Variants in ATP8B4 observed in about 807,000 individuals in gnomAD.
ATP8B4 encodes ATPase phospholipid transporting 8B4 (putative).
ATP8B4 carries 133 observed loss-of-function variants against 145.6 expected under a neutral mutation model. That is an observed-to-expected ratio of 0.91 (90% CI 0.79 to 1.05). The LOEUF (loss-of-function observed/expected upper bound fraction) is 1.05, where lower values mean the gene tolerates loss of function less well. Ranked by LOEUF, ATP8B4 falls within the 50% of genes least tolerant of loss-of-function variation. ATP8B4 has a pLI of 0.00. For missense variants in ATP8B4, 1,458 were observed against 1,425.2 expected, an observed-to-expected ratio of 1.02 and a Z score of -0.37; for synonymous variants, 507 against 492.9, an observed-to-expected ratio of 1.03 and a Z score of -0.38.
chr15:49,920,433 A>G (rs753723617), intron 17 of ATP8B4, 23 bp from the exon 18 acceptor site: 18 of 1,581,288 alleles, frequency 1.1e-5, no homozygotes, highest in Non-Finnish European at 1.5e-5. Context: ...ACATAGACTC[A>G]TGAACCATCA....
chr15:50,174,617 T>G (rs61367002), intron 1 of ATP8B4, among the ~76,000 whole-genome samples: 13,671 of 146,880 alleles, frequency 0.093, 828 homozygotes, highest in African/African-American at 0.16. Context: ...ACAAGGAAAC[T>G]ACAACACACT....
In ATP8B4 at chr15:50,050,788, A is replaced by G. The variant is rs1015667714; in HGVS notation, c.88-3324T>C. Among the ~76,000 whole-genome samples the G allele has an allele frequency of 1.3e-4, 19 of 149,932 alleles. No individual in the cohort carries two copies. The East Asian group carries it at 1.4e-3, about 11-fold the overall frequency. On this transcript the variant is annotated intron_variant, in intron 3 of 27. Transcript: ENST00000284509. ...GTTTTATTTAACCACTTGTAAAGCC[A>G]TGTAACTATATTATTTGAGGCTTAA... is the stretch of plus-strand genomic sequence containing the variant.
chr15:50,112,933 G>A (rs1043027196), intron 1 of ATP8B4, among the ~76,000 whole-genome samples: 15 of 152,064 alleles, frequency 9.9e-5, no homozygotes, highest in South Asian at 6.2e-4. Context: ...CCAACCAAGC[G>A]TGGAGAGGAA....
At position 49,908,634 on chromosome 15, in the gene ATP8B4, A is replaced by C. The variant is rs562450317; in HGVS notation, c.2142-7395T>G. 9.9e-5 allele frequency among the ~76,000 whole-genome samples: 15 copies of C among 152,212 alleles called. No individual in the cohort carries two copies. The South Asian group carries it at 2.7e-3, about 27-fold the overall frequency. ...AGAGGGAGCTCACACTGGGTCCCACATACCACAAAATGACAGCAAAGTGTC... is the reference window on the plus strand; with the variant it reads ...AGAGGGAGCTCACACTGGGTCCCACCTACCACAAAATGACAGCAAAGTGTC... On this transcript the variant is annotated intron_variant, in intron 20 of 27. Transcript: ENST00000284509.
At chr15:50,117,759 C>T (rs2057197511) in intron 1 of ATP8B4, among the ~76,000 whole-genome samples, 1 of 152,174 alleles carries the variant, frequency 6.6e-6, no homozygotes, top group South Asian at 2.1e-4. Context: ...AATAATATTT[C>T]TTCTTGAGGA....
intron 3 of ATP8B4, among the ~76,000 whole-genome samples, chr15:50,066,538 A>G (rs2053394201): frequency 6.6e-6 from 1 of 152,142 alleles, no homozygotes; most frequent in Non-Finnish European, 1.5e-5. Flanking sequence ...TAGAGACCCA[A>G]ATGTCCCATC....
At chr15:50,069,339 C>A (rs2053579031) in intron 3 of ATP8B4, among the ~76,000 whole-genome samples, 2 of 152,140 alleles carry the variant, frequency 1.3e-5, no homozygotes, top group Admixed American at 6.5e-5. Flanking sequence ...CATTTTTAAA[C>A]CTGTGCGATG....
chr15:49,959,137 T>A (rs1403940670), intron 14 of ATP8B4, among the ~76,000 whole-genome samples: 2 of 151,978 alleles, frequency 1.3e-5, no homozygotes, highest in Admixed American at 6.5e-5. Flanking sequence ...TGGCATTTAT[T>A]CCAGGAAAAT....
intron 8 of ATP8B4, 81 bp downstream of exon 8, chr15:50,002,072 C>G: frequency 8.5e-7 from 1 of 1,183,160 alleles, no homozygotes; most frequent in East Asian, 2.6e-5. Flanking sequence ...AGATACTGAA[C>G]AAGGTTAAGT....
intron 1 of ATP8B4, among the ~76,000 whole-genome samples, chr15:50,109,655 T>G (rs543435933): frequency 2.2e-4 from 34 of 151,780 alleles, no homozygotes; most frequent in African/African-American, 7.2e-4. Flanking sequence ...AAAAGGGGAC[T>G]CTACACCCAA....
At chr15:50,096,497 A>G (rs748045138) in intron 2 of ATP8B4, among the ~76,000 whole-genome samples, 1 of 152,214 alleles carries the variant, frequency 6.6e-6, no homozygotes, top group Non-Finnish European at 1.5e-5. Flanking sequence ...ATATCTCTGC[A>G]CTACGACTAT....
chr15:50,100,678 A>G (rs1449243605), intron 2 of ATP8B4, among the ~76,000 whole-genome samples: 1 of 152,238 alleles, frequency 6.6e-6, no homozygotes, highest in African/African-American at 2.4e-5. Context: ...TGATCATTTT[A>G]TCACATCAGT....
At chr15:50,023,779 C>CAAAAAAAAAAAAAAAAGAAAAAAAA (rs2049778895) in intron 6 of ATP8B4, among the ~76,000 whole-genome samples, 4 of 75,054 alleles carry the variant, frequency 5.3e-5, no homozygotes, top group East Asian at 3.8e-4. Context: ...AGACCAAAGG[C>CAAAAAAAAAAAAAAAAGAAAAAAAA]AAAAAAAAAA....
intron 14 of ATP8B4, among the ~76,000 whole-genome samples, chr15:49,959,795 A>T (rs2043902929): frequency 6.6e-6 from 1 of 152,178 alleles, no homozygotes; most frequent in African/African-American, 2.4e-5. Context: ...AGAGGCACAA[A>T]ATATGAATTA....
At chr15:49,890,618 C>T (rs1022946238) in intron 23 of ATP8B4, among the ~76,000 whole-genome samples, 55 of 152,208 alleles carry the variant, frequency 3.6e-4, no homozygotes, top group Non-Finnish European at 1.0e-4. Flanking sequence ...TTCAAAAATT[C>T]TCATTCTCTG....
At chr15:49,905,118 C>T (rs2038457709) in intron 20 of ATP8B4, among the ~76,000 whole-genome samples, 1 of 152,150 alleles carries the variant, frequency 6.6e-6, no homozygotes, top group Admixed American at 6.5e-5. Context: ...AAGGCAGCTA[C>T]AGCAGCAAAA....
chr15:50,104,347 T>G (rs1407540432), intron 2 of ATP8B4, among the ~76,000 whole-genome samples: 1 of 151,518 alleles, frequency 6.6e-6, no homozygotes, highest in Non-Finnish European at 1.5e-5. Flanking sequence ...AAGACTAATA[T>G]CCAGAATCTA....
chr15:49,966,885 G>A (rs2044598027), intron 13 of ATP8B4, among the ~76,000 whole-genome samples: 1 of 152,150 alleles, frequency 6.6e-6, no homozygotes, highest in Non-Finnish European at 1.5e-5. Context: ...CTGACATCTG[G>A]CAAGTGCCCC....
At chr15:50,059,607 C>T (rs924962646) in intron 3 of ATP8B4, among the ~76,000 whole-genome samples, 1 of 152,198 alleles carries the variant, frequency 6.6e-6, no homozygotes, top group African/African-American at 2.4e-5. Context: ...CATTTCACTG[C>T]CTTCATAATC....
Sources: gnomAD v4.1 joint callset for allele counts (sites outside exome capture counted in the v4.1 genomes callset) on GRCh38, gnomAD v4.1.1 for gene constraint, MANE v1.5 for transcripts, NCBI Gene and HGNC (gene_info 2026-07-23, HGNC 2026-07-21) for gene names.